The following MARCO variants were observed in gnomAD, a reference collection of about 807,000 sequenced individuals.
The protein encoded by MARCO is macrophage receptor MARCO.
A neutral mutation model predicts 70.0 loss-of-function variants in MARCO; 72 were observed. The ratio of observed to expected loss-of-function variants is 1.03; its 90% CI spans 0.85 to 1.25. The LOEUF is 1.25. MARCO is among the 50% of genes most tolerant of loss of function. MARCO has a pLI of 0.00. For missense variants in MARCO, 696 were observed against 659.3 expected, an observed-to-expected ratio of 1.06 and a Z score of -0.61; for synonymous variants, 273 against 243.1, an observed-to-expected ratio of 1.12 and a Z score of -1.14.
At chr2:118,983,881 G>A (rs1443843654) in intron 12 of MARCO, among the ~76,000 whole-genome samples, 1 of 152,090 alleles carries the variant, frequency 6.6e-6, no homozygotes, top group African/African-American at 2.4e-5. Context: ...TTACCCACAG[G>A]AGCATTGTGC....
chr2:118,990,003 G>A (rs948184844), intron 12 of MARCO, among the ~76,000 whole-genome samples: 3 of 152,102 alleles, frequency 2.0e-5, no homozygotes, highest in African/African-American at 7.2e-5. Context: ...GGAAGAAAGG[G>A]GGACCTTTAA....
intron 3 of MARCO, 129 bp from the exon 4 acceptor site, chr2:118,971,370 C>G (rs939619778): frequency 1.1e-6 from 1 of 901,784 alleles, no homozygotes; most frequent in East Asian, 2.5e-5. Context: ...TGTCCAAACC[C>G]CCACAGTCTG....
intron 12 of MARCO, among the ~76,000 whole-genome samples, chr2:118,983,071 G>T (rs1295352072): frequency 6.6e-6 from 1 of 152,206 alleles, no homozygotes; most frequent in Non-Finnish European, 1.5e-5. Flanking sequence ...TGACATGCAG[G>T]GTATTGCAGT....
At chr2:118,960,880 G>C (rs538837102) in intron 1 of MARCO, among the ~76,000 whole-genome samples, 30 of 152,132 alleles carry the variant, frequency 2.0e-4, no homozygotes, top group African/African-American at 7.2e-4. Context: ...TATTCCTAAT[G>C]CTCTCCCTAT....
intron 15 of MARCO, chr2:118,992,872 T>C: frequency 4.0e-6 from 2 of 494,332 alleles, no homozygotes; most frequent in Non-Finnish European, 3.5e-6. Context: ...AGACGTGGTG[T>C]ATGCGATTTG....
At position 118,955,832 on chromosome 2, in the gene MARCO, A is replaced by C. The variant is rs762565399; in HGVS notation, c.98-13328A>C. Among the ~76,000 whole-genome samples, 12 of 152,294 alleles carry C rather than the reference A, an allele frequency of 7.9e-5. No individual in the cohort carries two copies. In the Middle Eastern group the frequency reaches 0.01, roughly 130 times the overall value. ...TCAAGCAAAACAATTATCAGCCAAG[A>C]ATTTTGTATCCAGCAAAACTAAGCA... On this transcript the variant is annotated intron_variant, in intron 1 of 16. Coordinates refer to ENST00000327097, the MANE Select transcript of MARCO (RefSeq NM_006770.4).
At chr2:118,988,639 C>T (rs1680560235) in intron 12 of MARCO, among the ~76,000 whole-genome samples, 1 of 152,048 alleles carries the variant, frequency 6.6e-6, no homozygotes, top group Non-Finnish European at 1.5e-5. Context: ...TACTTCATCA[C>T]CATCATAGAC....
chr2:118,980,154 AG>A (rs1680361732), intron 8 of MARCO, among the ~76,000 whole-genome samples: 1 of 152,222 alleles, frequency 6.6e-6, no homozygotes, highest in Non-Finnish European at 1.5e-5. Flanking sequence ...ACAGCAAAAA[AG>A]GCACCAACAG....
At chr2:118,945,634 A>G (rs1262061053) in intron 1 of MARCO, among the ~76,000 whole-genome samples, 3 of 151,874 alleles carry the variant, frequency 2.0e-5, no homozygotes, top group African/African-American at 2.4e-5. Context: ...GCTGGTGTCC[A>G]ACTCCTGACC....
intron 12 of MARCO, among the ~76,000 whole-genome samples, chr2:118,984,709 T>A (rs1371095873): frequency 6.6e-6 from 1 of 152,160 alleles, no homozygotes. Flanking sequence ...CCGGAGAGAT[T>A]AGATTTGACA....
chr2:118,990,018 A>G (rs1573410337), intron 12 of MARCO, among the ~76,000 whole-genome samples: 1 of 152,236 alleles, frequency 6.6e-6, no homozygotes, highest in Non-Finnish European at 1.5e-5. Context: ...CTTTAACATT[A>G]ACTACAATAG....
chr2:118,986,459 G>A (rs1680484447), intron 12 of MARCO, among the ~76,000 whole-genome samples: 1 of 150,508 alleles, frequency 6.6e-6, no homozygotes, highest in Admixed American at 6.7e-5. Flanking sequence ...ATTTGAGCCT[G>A]CAGTGAGCTA....
At chr2:118,969,127 C>A in intron 1 of MARCO, 33 bp from the exon 2 acceptor site, 3 of 1,485,626 alleles carry the variant, frequency 2.0e-6, no homozygotes, top group Non-Finnish European at 1.9e-6. Context: ...GTGTTCTCTG[C>A]AGCAGCCTCC....
chr2:118,970,225 A>G lies in MARCO; in HGVS notation c.311A>G (p.Glu104Gly), dbSNP rs1304573929. Residue 104 changes from glutamate (E) to glycine (G), a missense_variant, in exon 3 of 17, where the codon GAA becomes GGA. Glu to Gly is a moderately conservative substitution (Grantham distance 98). Around this residue, in one of 3 missense-constraint regions of MARCO, gnomAD observed 605 missense variants for 537.6 expected, o/e 1.13. Coordinates refer to ENST00000327097, the MANE Select transcript of MARCO (RefSeq NM_006770.4). Reference sequence around the variant, plus strand: ...TTGCTGCAGTCAGCACACCCTGGAGAACACCTGGCTCAGGGTGCATCGAGG... The same window carrying G: ...TTGCTGCAGTCAGCACACCCTGGAGGACACCTGGCTCAGGGTGCATCGAGG... ...FSLLQSAHPGEHLAQGASRLQ... is the reference protein window; with the variant it reads ...FSLLQSAHPGGHLAQGASRLQ... 3.1e-6 allele frequency: 5 copies of G among 1,614,008 alleles called. No individual in the cohort carries two copies. Among genetic ancestry groups the G allele is most frequent in the Non-Finnish European group, 4.2e-6 (5 of 1,179,980 alleles).
intron 1 of MARCO, chr2:118,952,955 A>G (rs1056285484): frequency 2.6e-5 from 4 of 152,220 alleles, no homozygotes; most frequent in Non-Finnish European, 5.9e-5. Context: ...AAGGGTGCTC[A>G]ATTGCAGATG....
rs1363119548 is a variant in MARCO, at chr2:118,942,256, C to A, written c.-45C>A. 1 of 1,299,548 alleles carries A rather than the reference C, an allele frequency of 7.7e-7. No individual in the cohort carries two copies. Among genetic ancestry groups the A allele is most frequent in the Non-Finnish European group, 1.1e-6 (1 of 895,612 alleles). The allele number at this position is 1,299,548 out of a possible 1,614,324, so 80.5% of individuals were successfully genotyped here. On this transcript the variant is annotated 5_prime_UTR_variant, in exon 1 of 17. Coordinates refer to ENST00000327097, the MANE Select transcript of MARCO (RefSeq NM_006770.4). The stretch of plus-strand genomic sequence containing the variant: ...TCCAAGTGGTTCCTCTTGAGGGGAG[C>A]ATTTCTGCTGGCTCCAGGACTTTGG...
chr2:118,971,564 G>A, intron 4 of MARCO, 30 bp downstream of exon 4: 1 of 1,612,120 alleles, frequency 6.2e-7, no homozygotes, highest in Non-Finnish European at 8.5e-7. Flanking sequence ...CACCCACCCT[G>A]CTCTTTCCCC....
At chr2:118,963,707 A>G (rs1573386042) in intron 1 of MARCO, among the ~76,000 whole-genome samples, 1 of 152,086 alleles carries the variant, frequency 6.6e-6, no homozygotes, top group East Asian at 1.9e-4. Flanking sequence ...TGTATTGTCT[A>G]TTTCTTTTTT....
chr2:118,944,590 T>C (rs963052652), intron 1 of MARCO, among the ~76,000 whole-genome samples: 7 of 152,216 alleles, frequency 4.6e-5, no homozygotes, highest in Non-Finnish European at 1.0e-4. Context: ...TCCTCATTTA[T>C]TTTTCTCTAT....
Sources: allele counts gnomAD v4.1 joint callset (sites outside exome capture counted in the v4.1 genomes callset), GRCh38; gene constraint gnomAD v4.1.1; regional missense constraint gnomAD v4.1.1; transcripts MANE v1.5; gene names NCBI Gene and HGNC (gene_info 2026-07-23, HGNC 2026-07-21).